PPP1R1C: variants seen among roughly 807,000 people sequenced by gnomAD.
PPP1R1C encodes protein phosphatase 1 regulatory inhibitor subunit 1C.
A neutral mutation model predicts 17.4 loss-of-function variants in PPP1R1C; 15 were observed. The ratio of observed to expected loss-of-function variants is 0.86; its 90% CI spans 0.58 to 1.33. PPP1R1C has a LOEUF of 1.33. PPP1R1C is among the 40% of genes most tolerant of loss of function. The pLI is 0.00. For synonymous variants in PPP1R1C, 35 were observed against 43.1 expected (o/e 0.81, Z 0.73); for missense variants, 143 against 130.0 (o/e 1.10, Z -0.48).
chr2:182,030,640 T>C (rs7567261), intron 2 of PPP1R1C, among the ~76,000 whole-genome samples: 84,725 of 137,988 alleles, frequency 0.61, 26,898 homozygotes, highest in Non-Finnish European at 0.72. Context: ...GACATTTAAG[T>C]CTGCAGAGGT....
At chr2:182,035,711 G>C (rs1386821996) in intron 2 of PPP1R1C, among the ~76,000 whole-genome samples, 1 of 152,008 alleles carries the variant, frequency 6.6e-6, no homozygotes, top group Non-Finnish European at 1.5e-5. Context: ...CTACCCCTTT[G>C]CCTTCTGCCG....
chr2:182,046,178 C>T (rs1487974008), intron 2 of PPP1R1C, among the ~76,000 whole-genome samples: 1 of 149,294 alleles, frequency 6.7e-6, no homozygotes. Flanking sequence ...GTAAGAGTAC[C>T]TAAAATCTAC....
intron 5 of PPP1R1C, among the ~76,000 whole-genome samples, chr2:182,126,765 C>T (rs1689884494): frequency 1.3e-5 from 2 of 151,874 alleles, no homozygotes; most frequent in Admixed American, 1.3e-4. Context: ...AGCCACTTCC[C>T]CTACTGAATA....
chr2:182,040,505 A>T (rs976448666), intron 2 of PPP1R1C, among the ~76,000 whole-genome samples: 4 of 151,128 alleles, frequency 2.6e-5, no homozygotes, highest in African/African-American at 7.3e-5. Context: ...GGGATTATTT[A>T]TTTTTTTTCT....
At chr2:182,006,407 A>T (rs1574370713) in intron 2 of PPP1R1C, among the ~76,000 whole-genome samples, 1 of 152,332 alleles carries the variant, frequency 6.6e-6, no homozygotes, top group East Asian at 1.9e-4. Context: ...AGTTAATCGG[A>T]TCTGCATATA....
At chr2:182,077,935 C>T (rs578147005) in intron 4 of PPP1R1C, among the ~76,000 whole-genome samples, 1 of 152,336 alleles carries the variant, frequency 6.6e-6, no homozygotes, top group African/African-American at 2.4e-5. Context: ...AATGCCAACC[C>T]TTTGGGAGGC....
Position 182,063,887 on chromosome 2 carries a change from A to T in PPP1R1C, c.241+96A>T, listed in dbSNP as rs1026983186. 20 of 898,202 alleles carry T rather than the reference A, an allele frequency of 2.2e-5. No homozygotes were observed. In the African/African-American group the frequency reaches 3.0e-4, roughly 13 times the overall value. 55.6% of individuals were successfully genotyped at this position (898,202 alleles called of 1,614,324 possible). A position where few individuals can be genotyped will look rare whatever the true frequency, so the allele number is the denominator to read the frequency against. On this transcript the variant is annotated intron_variant, in intron 4 of 4. Coordinates refer to ENST00000682840, the MANE Select transcript of PPP1R1C (RefSeq NM_001080545.3). ...GACCACATATCTGATGATAAGCTAG[A>T]TCTAGTCTCAGCTCTACAACTTAAC...
Position 181,962,462 on chromosome 2 carries a change from C to A in PPP1R1C, n.111+7828C>A, listed in dbSNP as rs577937231. 7 of 700,216 alleles carry A rather than the reference C, an allele frequency of 1.0e-5. No individual in the cohort carries two copies. In the African/African-American group the frequency reaches 1.2e-4, roughly 12 times the overall value. 43.4% of individuals were successfully genotyped at this position (700,216 alleles called of 1,614,324 possible). A position where few individuals can be genotyped will look rare whatever the true frequency, so the allele number is the denominator to read the frequency against. ...CAGGTAGTTGGTGGAGAAGATGGAG[C>A]GAGTGGTGAAGCTCATGCTATCCAG... On this transcript the variant is annotated intron_variant and non_coding_transcript_variant, in intron 1 of 5. Coordinates refer to the PPP1R1C transcript ENST00000464264. The surrounding 1 kb of genome is among the most constrained non-coding windows in gnomAD (Gnocchi z 6.0).
At chr2:181,974,901 G>A (rs911480594) in intron 1 of PPP1R1C, among the ~76,000 whole-genome samples, 1 of 152,144 alleles carries the variant, frequency 6.6e-6, no homozygotes, top group African/African-American at 2.4e-5. Flanking sequence ...TAGGAGTGCA[G>A]TCTTTCCTGT....
In PPP1R1C at chr2:182,054,004, G is replaced by A. The variant is rs989766051; in HGVS notation, c.143-7438G>A. On this transcript the variant is annotated intron_variant, in intron 2 of 4. Coordinates refer to ENST00000682840, the MANE Select transcript of PPP1R1C (RefSeq NM_001080545.3). The stretch of plus-strand genomic sequence containing the variant: ...ATTACAGGCGTGAGCCACCACCCCC[G>A]GCCAGATTCTTTAATCTCTTCCTTA... Among the ~76,000 whole-genome samples, 3 of 152,000 alleles carry A rather than the reference G, an allele frequency of 2.0e-5. No homozygotes were observed. The East Asian group carries it at 5.8e-4, about 29-fold the overall frequency.
chr2:181,970,092 C>G (rs780119914), intron 1 of PPP1R1C, among the ~76,000 whole-genome samples: 38 of 150,842 alleles, frequency 2.5e-4, no homozygotes, highest in Non-Finnish European at 5.5e-4. Flanking sequence ...TCACATATCT[C>G]TCTGTCTCCA....
At chr2:182,114,722 T>C (rs924706755) in intron 4 of PPP1R1C, among the ~76,000 whole-genome samples, 49 of 152,160 alleles carry the variant, frequency 3.2e-4, no homozygotes, top group African/African-American at 1.1e-3. Context: ...TCCTGCCTCA[T>C]CAAAATGTTT....
intron 4 of PPP1R1C, among the ~76,000 whole-genome samples, chr2:182,081,036 T>C (rs1248565447): frequency 2.0e-5 from 3 of 152,236 alleles, no homozygotes; most frequent in Admixed American, 2.0e-4. Context: ...TTTAAAACTC[T>C]TACACTTATT....
At chr2:182,032,552 C>T (rs1686877842) in intron 2 of PPP1R1C, among the ~76,000 whole-genome samples, 1 of 152,100 alleles carries the variant, frequency 6.6e-6, no homozygotes, top group Admixed American at 6.6e-5. Context: ...GTGGGCCCCA[C>T]CACATACTTA....
At chr2:181,956,884 T>C (rs1474681384) in intron 1 of PPP1R1C, among the ~76,000 whole-genome samples, 2 of 152,240 alleles carry the variant, frequency 1.3e-5, no homozygotes, top group South Asian at 2.1e-4. Flanking sequence ...AAATGTATTA[T>C]TTTTGAAATT....
At chr2:182,064,439 C>T (rs1274380529) in intron 4 of PPP1R1C, among the ~76,000 whole-genome samples, 2 of 152,024 alleles carry the variant, frequency 1.3e-5, no homozygotes, top group Non-Finnish European at 2.9e-5. Flanking sequence ...TCTGTCCAGT[C>T]TACTCTCTCA....
rs886469941 is a variant in PPP1R1C, at chr2:181,957,710, A to G, written n.111+3076A>G. 1.3e-5 allele frequency among the ~76,000 whole-genome samples: 2 copies of G among 152,150 alleles called. No homozygotes were observed. Among genetic ancestry groups the G allele is most frequent in the African/African-American group, 4.8e-5 (2 of 41,436 alleles). Reference sequence around the variant, plus strand: ...TGCATACCTTAGGAATCTGTCTCCCATGCCCCACTCAGCTCCCCTTTCCTT... The same window carrying G: ...TGCATACCTTAGGAATCTGTCTCCCGTGCCCCACTCAGCTCCCCTTTCCTT... On this transcript the variant is annotated intron_variant and non_coding_transcript_variant, in intron 1 of 5. Coordinates refer to the PPP1R1C transcript ENST00000464264. This position sits in a 1 kb window ranked among gnomAD's most constrained non-coding sequence, Gnocchi z 4.2.
chr2:182,101,351 A>G (rs1325310626), intron 4 of PPP1R1C, among the ~76,000 whole-genome samples: 1 of 152,200 alleles, frequency 6.6e-6, no homozygotes, highest in East Asian at 1.9e-4. Flanking sequence ...TAATATGCCT[A>G]AATTATTATA....
downstream of PPP1R1C, among the ~76,000 whole-genome samples, chr2:182,119,364 A>C (rs1392504896): frequency 6.6e-6 from 1 of 152,110 alleles, no homozygotes; most frequent in African/African-American, 2.4e-5. Context: ...CGCAATAAAC[A>C]TACGTGTGCG....
Sources: allele counts gnomAD v4.1 joint callset (sites outside exome capture counted in the v4.1 genomes callset), GRCh38; gene constraint gnomAD v4.1.1; non-coding constraint Gnocchi (gnomAD v3.1); transcripts MANE v1.5; gene names NCBI Gene and HGNC (gene_info 2026-07-23, HGNC 2026-07-21).